Variants in BAG4 observed in about 807,000 individuals in gnomAD.
BAG4 encodes BAG cochaperone 4, also known as BAG family molecular chaperone regulator 4.
A neutral mutation model predicts 52.1 loss-of-function variants in BAG4; 28 were observed. That is an observed-to-expected ratio of 0.54 (90% CI 0.40 to 0.74). The LOEUF is 0.74. Ranked by LOEUF, BAG4 falls within the 30% of genes least tolerant of loss-of-function variation. The pLI is 0.00. For missense variants in BAG4, 525 were observed against 572.0 expected (o/e 0.92, Z 0.84); for synonymous variants, 208 against 217.0 (o/e 0.96, Z 0.37).
chr8:38,190,945 A>G (rs983075418), intron 1 of BAG4, among the ~76,000 whole-genome samples: 1 of 151,826 alleles, frequency 6.6e-6, no homozygotes, highest in African/African-American at 2.4e-5. Context: ...TTTAGTAGAG[A>G]CGGGGTTTCA....
chr8:38,197,622 C>T (rs1033651913), intron 2 of BAG4, among the ~76,000 whole-genome samples: 2 of 152,196 alleles, frequency 1.3e-5, no homozygotes, highest in African/African-American at 4.8e-5. Flanking sequence ...GCATTGTACA[C>T]TTAGTTTACC....
At chr8:38,191,964 C>T (rs768305155) in intron 1 of BAG4, among the ~76,000 whole-genome samples, 10 of 152,018 alleles carry the variant, frequency 6.6e-5, no homozygotes, top group Non-Finnish European at 8.8e-5. Context: ...AAATTATTGT[C>T]GTAGCTAGAT....
intron 1 of BAG4, among the ~76,000 whole-genome samples, chr8:38,190,588 C>T (rs370971426): frequency 2.7e-5 from 4 of 150,190 alleles, no homozygotes; most frequent in African/African-American, 9.8e-5. Flanking sequence ...CCCATCATCA[C>T]GCCCACCTGA....
In BAG4 at chr8:38,176,935, G is replaced by T. The variant is rs1235457431; in HGVS notation, c.66G>T (p.Gly22=). 3 of 1,553,196 alleles carry T rather than the reference G, an allele frequency of 1.9e-6. No individual in the cohort carries two copies. Among genetic ancestry groups the T allele is most frequent in the Non-Finnish European group, 2.6e-6 (3 of 1,148,740 alleles). Residue 22 remains glycine (G), a synonymous_variant, in exon 1 of 5, where the codon GGG becomes GGT. Coordinates refer to ENST00000287322, the MANE Select transcript of BAG4 (RefSeq NM_004874.4). ...GTCCGTCCTACGGCCGCTACTACGG[G>T]CCTGGGGGTGGAGATGTGCCGGTAC... The part of the protein sequence containing the change: ...SDGPSYGRYY[G]PGGGDVPVHP...
At chr8:38,195,273 C>G (rs1288885109) in intron 2 of BAG4, among the ~76,000 whole-genome samples, 1 of 152,128 alleles carries the variant, frequency 6.6e-6, no homozygotes, top group African/African-American at 2.4e-5. Flanking sequence ...ACTTCAGCCT[C>G]CTGAGTAGCT....
At chr8:38,179,851 A>G (rs1803234299) in intron 1 of BAG4, among the ~76,000 whole-genome samples, 1 of 152,188 alleles carries the variant, frequency 6.6e-6, no homozygotes, top group South Asian at 2.1e-4. Context: ...GAATGGTGAA[A>G]TGCTTGGCCA....
intron 2 of BAG4, among the ~76,000 whole-genome samples, chr8:38,194,275 A>G (rs539039513): frequency 6.6e-6 from 1 of 152,006 alleles, no homozygotes; most frequent in African/African-American, 2.4e-5. Context: ...TAAACTTGAG[A>G]TGTGTGATTT....
chr8:38,190,553 T>A (rs1803457251), intron 1 of BAG4, among the ~76,000 whole-genome samples: 1 of 151,226 alleles, frequency 6.6e-6, no homozygotes, highest in African/African-American at 2.4e-5. Context: ...CCTCTCAGCC[T>A]CCTGAGTAGC....
At chr8:38,193,196 A>G (rs1297519348) in intron 2 of BAG4, among the ~76,000 whole-genome samples, 7 of 152,262 alleles carry the variant, frequency 4.6e-5, no homozygotes, top group Non-Finnish European at 1.0e-4. Flanking sequence ...AGGCAGGCAG[A>G]TCACCTGAGG....
Position 38,192,707 on chromosome 8 carries a change from G to A in BAG4, c.290G>A (p.Ser97Asn). Residue 97 changes from serine (S) to asparagine (N), a missense_variant, in exon 2 of 5, where the codon AGC becomes AAC. This residue lies in a region of BAG4 where 287 missense variants were observed against 266.1 expected (regional missense o/e 1.08). Coordinates refer to ENST00000287322, the MANE Select transcript of BAG4 (RefSeq NM_004874.4). ...GSHQEQPPYPSYNSNYWNSTA... is the reference protein window; with the variant it reads ...GSHQEQPPYPNYNSNYWNSTA... ...TCTTAGGAGCAGCCACCATATCCTA[G>A]CTACAATTCTAACTATTGGAATTCT... 1 of 1,611,378 alleles carries A rather than the reference G, an allele frequency of 6.2e-7. No individual in the cohort carries two copies. The highest frequency in any genetic ancestry group is 8.5e-7 in the Non-Finnish European group (1 of 1,179,112).
intron 1 of BAG4, among the ~76,000 whole-genome samples, chr8:38,184,876 G>C (rs573086461): frequency 3.0e-4 from 46 of 152,248 alleles, no homozygotes; most frequent in Middle Eastern, 3.4e-3. Context: ...AGATCACGAG[G>C]TCAGGAGATC....
intron 1 of BAG4, among the ~76,000 whole-genome samples, chr8:38,181,915 A>AAAAAAAG (rs1554506184): frequency 1.5e-5 from 2 of 134,632 alleles, no homozygotes; most frequent in African/African-American, 2.8e-5. Flanking sequence ...AAAAAAAAAA[A>AAAAAAAG]AGGAAGTAAG....
In BAG4 at chr8:38,176,886, G is replaced by A. The variant is rs760711712; in HGVS notation, c.17G>A (p.Arg6His). The change falls in exon 1 of 5, where the codon CGC becomes CAC. Residue 6 changes from arginine (R) to histidine (H), a missense_variant. Around this residue, in one of 2 missense-constraint regions of BAG4, gnomAD observed 287 missense variants for 266.1 expected, o/e 1.08. Coordinates refer to ENST00000287322, the MANE Select transcript of BAG4 (RefSeq NM_004874.4). MSALR[R>H]SGYGPSDGPS... is the part of the protein sequence containing the mutation. ...GCGGATCCCATGTCGGCCCTGAGGC[G>A]CTCGGGCTACGGCCCCAGTGACGGT... 1 of 1,540,142 alleles carries A rather than the reference G, an allele frequency of 6.5e-7. No homozygotes were observed. Among genetic ancestry groups the A allele is most frequent in the Admixed American group, 2.0e-5 (1 of 49,850 alleles).
rs747883364 is a variant in BAG4 at position 38,207,727 on chromosome 8, C to T, written c.594C>T (p.Pro198=). Residue 198 remains proline, a synonymous_variant, in exon 3 of 5, where the codon CCC becomes CCT. Coordinates refer to ENST00000287322, the MANE Select transcript of BAG4 (RefSeq NM_004874.4). ...AGCAGGACTGTCAGACTGAAGCACC[C>T]CCTCTTAGGGGGCAGGTTCCAGGAT... The part of the protein sequence containing the change: ...YPQQDCQTEA[P]PLRGQVPGYP... 5 of 1,614,068 alleles carry T rather than the reference C, an allele frequency of 3.1e-6. No homozygotes were observed. The African/African-American group carries it at 6.7e-5, about 22-fold the overall frequency.
At chr8:38,195,609 A>G (rs1318212252) in intron 2 of BAG4, among the ~76,000 whole-genome samples, 1 of 152,200 alleles carries the variant, frequency 6.6e-6, no homozygotes, top group Non-Finnish European at 1.5e-5. Flanking sequence ...TCATGTATAT[A>G]TGAACTTAAG....
intron 2 of BAG4, among the ~76,000 whole-genome samples, chr8:38,194,179 A>G (rs1425788085): frequency 6.6e-6 from 1 of 151,768 alleles, no homozygotes; most frequent in Non-Finnish European, 1.5e-5. Context: ...GCCTGAAGTT[A>G]TATTTATTAC....
chr8:38,178,660 A>C (rs940853122), intron 1 of BAG4, among the ~76,000 whole-genome samples: 1 of 152,226 alleles, frequency 6.6e-6, no homozygotes, highest in Non-Finnish European at 1.5e-5. Context: ...CTACAATATG[A>C]ATGAACCTTG....
chr8:38,206,274 TAA>T (rs758467407), intron 2 of BAG4, among the ~76,000 whole-genome samples: 21 of 127,560 alleles, frequency 1.6e-4, no homozygotes, highest in Admixed American at 2.4e-4. Flanking sequence ...GACTCCATCT[TAA>T]AAAAAAAAAA....
At chr8:38,181,886 CAAAAAAAAAAAAAAAA>C (rs34268146) in intron 1 of BAG4, among the ~76,000 whole-genome samples, 3 of 37,268 alleles carry the variant, frequency 8.0e-5, no homozygotes, top group East Asian at 8.5e-4. Context: ...GAGACTATCT[CAAAAAAAAAAAAAAAA>C]AAAAAAAAAA....
Sources: gnomAD v4.1 joint callset for allele counts (sites outside exome capture counted in the v4.1 genomes callset) on GRCh38, gnomAD v4.1.1 for gene constraint, gnomAD v4.1.1 regional missense constraint, MANE v1.5 for transcripts, NCBI Gene and HGNC (gene_info 2026-07-23, HGNC 2026-07-21) for gene names.